TLK2: variants seen among roughly 807,000 people sequenced by gnomAD.
The protein encoded by TLK2 is serine/threonine-protein kinase tousled-like 2.
A neutral mutation model predicts 117.3 loss-of-function variants in TLK2; 6 were observed. The observed-to-expected ratio is 0.05, with a 90% CI of 0.03 to 0.10. The LOEUF (loss-of-function observed/expected upper bound fraction) is 0.10, where lower values mean the gene tolerates loss of function less well. TLK2 is among the 10% of genes least tolerant of loss of function. The pLI is 1.00. For missense variants in TLK2, 299 were observed against 901.2 expected, an observed-to-expected ratio of 0.33 and a Z score of 8.56; for synonymous variants, 257 against 316.7, an observed-to-expected ratio of 0.81 and a Z score of 2.00.
At chr17:62,545,801 C>G (rs1337319243) in intron 7 of TLK2, among the ~76,000 whole-genome samples, 5 of 151,986 alleles carry the variant, frequency 3.3e-5, no homozygotes, top group African/African-American at 1.2e-4. Flanking sequence ...TGCTTGGGCT[C>G]AAGCCATCCT....
At chr17:62,474,401 A>G (rs913430153), upstream of TLK2, among the ~76,000 whole-genome samples, 1 of 139,548 alleles carries the variant, frequency 7.2e-6, no homozygotes, top group Non-Finnish European at 1.5e-5. Flanking sequence ...TAATGACATA[A>G]TTTTATTTAT....
chr17:62,575,401 T>A (rs2080705548), intron 12 of TLK2, among the ~76,000 whole-genome samples: 1 of 152,204 alleles, frequency 6.6e-6, no homozygotes, highest in Non-Finnish European at 1.5e-5. Context: ...AATGGAGTAA[T>A]AGATACAGGT....
chr17:62,577,624 GATGCTCTTT>G (rs1357941666), intron 13 of TLK2, among the ~76,000 whole-genome samples: 1 of 152,202 alleles, frequency 6.6e-6, no homozygotes, highest in Non-Finnish European at 1.5e-5. Context: ...TACATTGGTC[GATGCTCTTT>G]ATAGGTGATA....
At chr17:62,533,449 AGT>A (rs530614484) in intron 6 of TLK2, among the ~76,000 whole-genome samples, 1 of 112,644 alleles carries the variant, frequency 8.9e-6, no homozygotes, top group Non-Finnish European at 1.9e-5. Context: ...TGTGTAGCCC[AGT>A]GTGTGTGTGT....
At chr17:62,575,235 G>C (rs1204190658) in intron 12 of TLK2, among the ~76,000 whole-genome samples, 2 of 152,230 alleles carry the variant, frequency 1.3e-5, no homozygotes, top group Admixed American at 6.5e-5. Context: ...TTTTTAATTA[G>C]AGTATCTGTG....
At chr17:62,474,036 C>T (rs1030454877), upstream of TLK2, among the ~76,000 whole-genome samples, 5 of 152,096 alleles carry the variant, frequency 3.3e-5, no homozygotes, top group African/African-American at 7.2e-5. Flanking sequence ...GCTGGGACCA[C>T]GAGCATATGG....
In TLK2 at chr17:62,478,851, G is replaced by A. The variant is rs1176183725; in HGVS notation, c.-445G>A. Reference sequence around the variant, plus strand: ...CTACTAATCCGGACCGAACCGATCCGGATTAAGGGGCCGGAGGCGGGTCCT... The same window carrying A: ...CTACTAATCCGGACCGAACCGATCCAGATTAAGGGGCCGGAGGCGGGTCCT... On this transcript the variant is annotated 5_prime_UTR_variant, in exon 1 of 22. Coordinates refer to ENST00000346027, the MANE Select transcript of TLK2 (RefSeq NM_006852.6). Among the ~76,000 whole-genome samples the A allele has an allele frequency of 2.7e-5, 4 of 148,024 alleles. No individual in the cohort carries two copies. Among genetic ancestry groups the A allele is most frequent in the Middle Eastern group, 3.5e-3 (1 of 286 alleles).
intron 7 of TLK2, among the ~76,000 whole-genome samples, chr17:62,546,198 A>T (rs1258725835): frequency 1.3e-5 from 2 of 152,006 alleles, no homozygotes; most frequent in Non-Finnish European, 2.9e-5. Flanking sequence ...TCTTTTGTAG[A>T]GACAGGGTTT....
At chr17:62,488,071 C>T (rs1331386265) in intron 2 of TLK2, among the ~76,000 whole-genome samples, 1 of 152,086 alleles carries the variant, frequency 6.6e-6, no homozygotes, top group Non-Finnish European at 1.5e-5. Flanking sequence ...TCCCGAGTGG[C>T]TGGGAGGTGC....
At chr17:62,527,532 AT>A (rs974529431) in intron 6 of TLK2, among the ~76,000 whole-genome samples, 1 of 150,764 alleles carries the variant, frequency 6.6e-6, no homozygotes, top group South Asian at 2.1e-4. Context: ...ACATAGATGA[AT>A]TTTTTTTTGT....
chr17:62,571,749 T>G (rs1262510944), intron 11 of TLK2, among the ~76,000 whole-genome samples: 1 of 152,212 alleles, frequency 6.6e-6, no homozygotes, highest in African/African-American at 2.4e-5. Context: ...GTATCTACCT[T>G]AGAGTAATCT....
In TLK2 at chr17:62,574,281, T is replaced by G. The variant is rs192339667; in HGVS notation, c.1121+914T>G. On this transcript the variant is annotated intron_variant, in intron 12 of 21. Coordinates refer to ENST00000346027, the MANE Select transcript of TLK2 (RefSeq NM_006852.6). ...TCCTCACCCCATACATATCTGATGT[T>G]TTGGGAAGTCTCTTCCTTGATGTTC... The G allele has an allele frequency of 8.5e-5, 130 of 1,530,636 alleles. No homozygotes were observed. In the East Asian group the frequency reaches 3.2e-3, roughly 37 times the overall value. 94.8% of individuals were successfully genotyped at this position (1,530,636 alleles called of 1,614,324 possible).
chr17:62,574,226 A>G, intron 12 of TLK2: 1 of 1,426,588 alleles, frequency 7.0e-7, no homozygotes, highest in Non-Finnish European at 9.2e-7. Context: ...ATCTTCTTTC[A>G]TTCTAGTGAG....
chr17:62,612,420 G>A lies in TLK2; in HGVS notation c.2108G>A (p.Arg703Gln), dbSNP rs769484053. The change falls in exon 22 of 22, where the codon CGA becomes CAA. Residue 703 changes from arginine to glutamine, a missense_variant. By Grantham distance (43) the Arg-to-Gln change is conservative. Coordinates refer to ENST00000346027, the MANE Select transcript of TLK2 (RefSeq NM_006852.6). ...TTTATTCGACGATGCTTGGCCTACC[G>A]AAAGGAGGACCGCATTGATGTCCAG... is the stretch of plus-strand genomic sequence containing the variant. ...KAFIRRCLAY[R>Q]KEDRIDVQQL... The A allele has an allele frequency of 7.4e-6, 12 of 1,613,634 alleles. No homozygotes were observed. The highest frequency in any genetic ancestry group is 1.0e-5 in the Non-Finnish European group (12 of 1,179,916).
intron 2 of TLK2, among the ~76,000 whole-genome samples, chr17:62,486,407 G>A (rs560273041): frequency 2.0e-5 from 3 of 151,994 alleles, no homozygotes; most frequent in South Asian, 2.1e-4. Flanking sequence ...TGATCCGCCC[G>A]CCTCGGCCTC....
At chr17:62,584,465 T>G (rs544106710) in intron 15 of TLK2, among the ~76,000 whole-genome samples, 1 of 152,092 alleles carries the variant, frequency 6.6e-6, no homozygotes, top group Non-Finnish European at 1.5e-5. Context: ...TGTGAAGCCA[T>G]AATGGTATTC....
chr17:62,600,182 T>G (rs2082770929), intron 17 of TLK2: 1 of 152,760 alleles, frequency 6.5e-6, no homozygotes, highest in African/African-American at 2.4e-5. Context: ...GTGCGAATTG[T>G]GTACCTAGCC....
intron 7 of TLK2, among the ~76,000 whole-genome samples, chr17:62,536,758 A>G (rs923473525): frequency 3.9e-5 from 6 of 152,138 alleles, no homozygotes; most frequent in African/African-American, 1.4e-4. Context: ...TCTCACAGCA[A>G]GTTACTGGTC....
chr17:62,516,010 C>T (rs1598332015), intron 2 of TLK2, among the ~76,000 whole-genome samples: 1 of 151,952 alleles, frequency 6.6e-6, no homozygotes, highest in African/African-American at 2.4e-5. Flanking sequence ...CTGCAAACTC[C>T]TCCTCCCGGG....
Sources: allele counts gnomAD v4.1 joint callset (sites outside exome capture counted in the v4.1 genomes callset), GRCh38; gene constraint gnomAD v4.1.1; transcripts MANE v1.5; gene names NCBI Gene and HGNC (gene_info 2026-07-23, HGNC 2026-07-21).